DDI2: variants seen among roughly 807,000 people sequenced by gnomAD.
The protein encoded by DDI2 is protein DDI1 homolog 2.
DDI2 carries 5 observed loss-of-function variants against 48.1 expected under a neutral mutation model. That is an observed-to-expected ratio of 0.10 (90% CI 0.05 to 0.22). DDI2 has a LOEUF of 0.22. Ranked by LOEUF, DDI2 falls within the 10% of genes least tolerant of loss-of-function variation. The pLI is 1.00. For synonymous variants in DDI2, 205 were observed against 183.6 expected (o/e 1.12, Z -0.94); for missense variants, 285 against 506.2 (o/e 0.56, Z 4.19).
Position 15,663,347 on chromosome 1 carries a change from A to AT in DDI2, c.*3564dup, listed in dbSNP as rs1419923743. On this transcript the variant is annotated 3_prime_UTR_variant, in exon 10 of 10. Transcript: ENST00000480945. ...TTTTAATTTAGGGGCACTTAGAGACATTTTTTTCTACCCCATCCAACTTCT... is the reference window on the plus strand; with the variant it reads ...TTTTAATTTAGGGGCACTTAGAGACATTTTTTTTCTACCCCATCCAACTTCT... The AT allele has an allele frequency of 1.3e-5, 2 of 152,008 alleles. No homozygotes were observed. The highest frequency in any genetic ancestry group is 2.9e-5 in the Non-Finnish European group (2 of 68,018). 9.4% of individuals were successfully genotyped at this position (152,008 alleles called of 1,614,324 possible).
intron 4 of DDI2, chr1:15,634,075 A>G (rs1391093625): frequency 4.7e-6 from 1 of 211,014 alleles, no homozygotes; most frequent in Non-Finnish European, 9.8e-6. Flanking sequence ...GATAAACTGA[A>G]TGCTGGACAT....
intron 1 of DDI2, among the ~76,000 whole-genome samples, chr1:15,620,695 A>T (rs1005793417): frequency 1.3e-5 from 2 of 152,202 alleles, no homozygotes; most frequent in Non-Finnish European, 1.5e-5. Flanking sequence ...TGTATATAAT[A>T]CATTATATAC....
At chr1:15,638,734 C>G (rs1056485895) in intron 5 of DDI2, among the ~76,000 whole-genome samples, 1 of 151,932 alleles carries the variant, frequency 6.6e-6, no homozygotes, top group South Asian at 2.1e-4. Flanking sequence ...GGGGTTTCAC[C>G]GTGTTGGTCA....
chr1:15,667,507 G>A lies in DDI2; in HGVS notation c.*7717G>A, dbSNP rs1431713493. The A allele has an allele frequency of 6.6e-6, 1 of 152,206 alleles. No individual in the cohort carries two copies. Among genetic ancestry groups the A allele is most frequent in the African/African-American group, 2.4e-5 (1 of 41,442 alleles). 9.4% of individuals were successfully genotyped at this position (152,206 alleles called of 1,614,324 possible). A position where few individuals can be genotyped will look rare whatever the true frequency, so the allele number is the denominator to read the frequency against. On this transcript the variant is annotated 3_prime_UTR_variant, in exon 10 of 10. Transcript: ENST00000480945. ...GAATACTGACCATCTGGGCTAGCAC[G>A]ACTTAGCAGAGGGTTCTGCAGGATG...
chr1:15,621,747 A>G (rs1374877236), intron 1 of DDI2, among the ~76,000 whole-genome samples: 1 of 152,198 alleles, frequency 6.6e-6, no homozygotes, highest in Non-Finnish European at 1.5e-5. Context: ...GTAATTTAGC[A>G]ATTTCCCTTT....
rs1163508624 is a variant in DDI2 at position 15,617,565 on chromosome 1, C to T, written c.-106C>T. On this transcript the variant is annotated 5_prime_UTR_variant, in exon 1 of 10. Transcript: ENST00000480945. The stretch of plus-strand genomic sequence containing the variant: ...GGGAGCGAGCGAGCGAACGAGCAGC[C>T]GGCGCCGTCCTCCCGCAGCACCAGC... 1.0e-6 allele frequency: 1 copy of T among 977,792 alleles called. No homozygotes were observed. Among genetic ancestry groups the T allele is most frequent in the African/African-American group, 1.7e-5 (1 of 58,744 alleles). The allele number at this position is 977,792 out of a possible 1,614,324, so 60.6% of individuals were successfully genotyped here. A position where few individuals can be genotyped will look rare whatever the true frequency, so the allele number is the denominator to read the frequency against.
chr1:15,642,903 T>C (rs1640032402), intron 5 of DDI2, among the ~76,000 whole-genome samples: 1 of 152,124 alleles, frequency 6.6e-6, no homozygotes, highest in Non-Finnish European at 1.5e-5. Context: ...CCACCTCTAC[T>C]AAAAATACAA....
Position 15,662,769 on chromosome 1 carries a change from C to T in DDI2, c.*2979C>T, listed in dbSNP as rs543321912. On this transcript the variant is annotated 3_prime_UTR_variant, in exon 10 of 10. Coordinates refer to ENST00000480945, the MANE Select transcript of DDI2 (RefSeq NM_032341.5). ...ACCTTGTCACTGGTTAATCTTGGTG[C>T]TTGGAACGGTCAGTCTATTTGGAGA... 1 of 152,262 alleles carries T rather than the reference C, an allele frequency of 6.6e-6. No individual in the cohort carries two copies. The highest frequency in any genetic ancestry group is 6.5e-5 in the Admixed American group (1 of 15,296). 9.4% of individuals were successfully genotyped at this position (152,262 alleles called of 1,614,324 possible). A position where few individuals can be genotyped will look rare whatever the true frequency, so the allele number is the denominator to read the frequency against.
chr1:15,661,310 CCAAT>C lies in DDI2; in HGVS notation c.*1523_*1526del. The C allele has an allele frequency of 6.2e-7, 1 of 1,613,988 alleles. No homozygotes were observed. The highest frequency in any genetic ancestry group is 1.1e-5 in the South Asian group (1 of 91,056). On this transcript the variant is annotated 3_prime_UTR_variant, in exon 10 of 10. Coordinates refer to ENST00000480945, the MANE Select transcript of DDI2 (RefSeq NM_032341.5). Reference sequence around the variant, plus strand: ...GTCACTGTAACCTCAGCTAAAACATCCAATCAGTTACACTGCACCTTAGGTGTAG... The same window carrying C: ...GTCACTGTAACCTCAGCTAAAACATCCAGTTACACTGCACCTTAGGTGTAG...
intron 8 of DDI2, among the ~76,000 whole-genome samples, chr1:15,654,520 T>C (rs778627416): frequency 1.6e-4 from 25 of 151,998 alleles, no homozygotes; most frequent in Non-Finnish European, 2.9e-4. Context: ...TAGCCAGCCA[T>C]GGTGGCGCGC....
At chr1:15,648,516 A>G (rs1640124750) in intron 6 of DDI2, among the ~76,000 whole-genome samples, 2 of 152,216 alleles carry the variant, frequency 1.3e-5, no homozygotes, top group South Asian at 2.1e-4. Context: ...CGTGGGCCCT[A>G]TATTGTGAGA....
Position 15,618,931 on chromosome 1 carries a change from A to G in DDI2, c.138+1123A>G, listed in dbSNP as rs138149564. Among the ~76,000 whole-genome samples, 223 of 152,324 alleles carry G rather than the reference A, an allele frequency of 1.5e-3. 1 individual carries two copies. Among genetic ancestry groups the G allele is most frequent in the African/African-American group, 5.2e-3 (218 of 41,564 alleles). Reference sequence around the variant, plus strand: ...GCTGTCTTATGGTAAACACGTGTCAATACTTTGTTCAGAAGTATGATTCCT... The same window carrying G: ...GCTGTCTTATGGTAAACACGTGTCAGTACTTTGTTCAGAAGTATGATTCCT... On this transcript the variant is annotated intron_variant, in intron 1 of 9. Coordinates refer to ENST00000480945, the MANE Select transcript of DDI2 (RefSeq NM_032341.5).
At chr1:15,621,969 A>G (rs1183785381) in intron 1 of DDI2, among the ~76,000 whole-genome samples, 1 of 152,248 alleles carries the variant, frequency 6.6e-6, no homozygotes, top group East Asian at 1.9e-4. Context: ...TAGTATATGT[A>G]GATAACTTGG....
intron 9 of DDI2, among the ~76,000 whole-genome samples, chr1:15,658,669 G>A (rs1232814947): frequency 1.3e-5 from 2 of 151,660 alleles, no homozygotes; most frequent in East Asian, 3.9e-4. Context: ...CAGGAGAATC[G>A]CTTGGACCCG....
At chr1:15,622,672 T>TTTGTTTTTA (rs1410586706) in intron 1 of DDI2, among the ~76,000 whole-genome samples, 1 of 151,726 alleles carries the variant, frequency 6.6e-6, no homozygotes, top group Non-Finnish European at 1.5e-5. Flanking sequence ...CGGATCCCCT[T>TTTGTTTTTA]TTGTTTTTAT....
chr1:15,663,239 CTT>C lies in DDI2; in HGVS notation c.*3451_*3452del, dbSNP rs1396509296. The C allele has an allele frequency of 6.6e-6, 1 of 152,190 alleles. No homozygotes were observed. Among genetic ancestry groups the C allele is most frequent in the African/African-American group, 2.4e-5 (1 of 41,438 alleles). The allele number at this position is 152,190 out of a possible 1,614,324, so 9.4% of individuals were successfully genotyped here. A position where few individuals can be genotyped will look rare whatever the true frequency, so the allele number is the denominator to read the frequency against. On this transcript the variant is annotated 3_prime_UTR_variant, in exon 10 of 10. Transcript: ENST00000480945. ...AAATGATTTTGTCTGAAGTCTGACTCTTTGTAAGCTTGTTTGTTTCATCAAAT... is the reference window on the plus strand; with the variant it reads ...AAATGATTTTGTCTGAAGTCTGACTCTGTAAGCTTGTTTGTTTCATCAAAT...
intron 8 of DDI2, 64 bp from the exon 9 acceptor site, chr1:15,656,553 C>G: frequency 6.2e-7 from 1 of 1,613,918 alleles, no homozygotes; most frequent in African/African-American, 1.3e-5. Flanking sequence ...AAACTATAAC[C>G]CTGCATGCTG....
intron 7 of DDI2, 123 bp from the exon 8 acceptor site, chr1:15,651,583 T>C (rs1640184816): frequency 1.2e-6 from 1 of 867,786 alleles, no homozygotes; most frequent in South Asian, 2.0e-5. Context: ...CCTCCCAAAG[T>C]GCTGGGATTA....
intron 4 of DDI2, 126 bp from the exon 5 acceptor site, chr1:15,638,181 A>C: frequency 7.3e-7 from 1 of 1,364,816 alleles, no homozygotes; most frequent in Non-Finnish European, 1.0e-6. Context: ...CAATTTTTCT[A>C]TGACTCGGCT....
Sources: allele counts gnomAD v4.1 joint callset (sites outside exome capture counted in the v4.1 genomes callset), GRCh38; gene constraint gnomAD v4.1.1; transcripts MANE v1.5; gene names NCBI Gene and HGNC (gene_info 2026-07-23, HGNC 2026-07-21).